The following STAT4 variants were observed in gnomAD, a reference collection of about 807,000 sequenced individuals.
STAT4 encodes the protein signal transducer and activator of transcription 4.
Under a neutral mutation model 110.5 loss-of-function variants are expected in STAT4, and 42 were observed. The ratio of observed to expected loss-of-function variants is 0.38; its 90% CI spans 0.30 to 0.49. The LOEUF is 0.49. STAT4 is among the 20% of genes least tolerant of loss of function. The pLI, the probability that STAT4 is intolerant of heterozygous loss-of-function variation, is 0.95. For missense variants in STAT4, 632 were observed against 887.9 expected, an observed-to-expected ratio of 0.71 and a Z score of 3.66; for synonymous variants, 284 against 302.2, an observed-to-expected ratio of 0.94 and a Z score of 0.63.
rs1698105663 is a variant in STAT4 at position 191,099,714 on chromosome 2, T to C, written c.274-23389A>G. Among the ~76,000 whole-genome samples the C allele has an allele frequency of 6.6e-6, 1 of 152,092 alleles. No homozygotes were observed. The highest frequency in any genetic ancestry group is 1.5e-5 in the Non-Finnish European group (1 of 67,990). On this transcript the variant is annotated intron_variant, in intron 3 of 23. Transcript: ENST00000392320. This position sits in a 1 kb window ranked among gnomAD's most constrained non-coding sequence, Gnocchi z 4.1. ...TTAATTAGGTAAACATAGATACACA[T>C]ATGGAAAGGTTCACACTTGACTGTT...
At chr2:191,131,219 T>G (rs1699028509) in intron 3 of STAT4, among the ~76,000 whole-genome samples, 1 of 151,816 alleles carries the variant, frequency 6.6e-6, no homozygotes, top group Non-Finnish European at 1.5e-5. Context: ...TAGGCATATA[T>G]TCTAGAGAAT....
chr2:191,093,596 A>G (rs1697869783), intron 3 of STAT4, among the ~76,000 whole-genome samples: 1 of 152,226 alleles, frequency 6.6e-6, no homozygotes, highest in Non-Finnish European at 1.5e-5. Context: ...CACCAGCATC[A>G]AAGATCAAAG....
chr2:191,137,632 AG>A (rs1272366260), intron 3 of STAT4, among the ~76,000 whole-genome samples: 1 of 152,238 alleles, frequency 6.6e-6, no homozygotes, highest in African/African-American at 2.4e-5. Context: ...ATAAGACTAT[AG>A]TAACCAAAAC....
chr2:191,054,371 A>G, intron 14 of STAT4, 119 bp downstream of exon 14: 3 of 845,720 alleles, frequency 3.5e-6, no homozygotes, highest in Non-Finnish European at 5.5e-6. Flanking sequence ...CTTTACATCT[A>G]TAATGAGAAA....
intron 3 of STAT4, chr2:191,132,046 C>G: frequency 9.4e-7 from 1 of 1,066,174 alleles, no homozygotes; most frequent in Non-Finnish European, 1.2e-6. Flanking sequence ...TGAAGAGAAA[C>G]GTTTCTTAAG....
intron 3 of STAT4, among the ~76,000 whole-genome samples, chr2:191,084,484 A>T (rs1379176051): frequency 1.3e-5 from 2 of 152,178 alleles, no homozygotes; most frequent in Non-Finnish European, 2.9e-5. Flanking sequence ...TGTAATTAAA[A>T]CTACTAAATA....
intron 14 of STAT4, among the ~76,000 whole-genome samples, chr2:191,044,591 G>C (rs1696294080): frequency 6.6e-6 from 1 of 152,154 alleles, no homozygotes; most frequent in African/African-American, 2.4e-5. Flanking sequence ...CCAGCCAGGA[G>C]AAGGGGGTGG....
rs560760741 is a variant in STAT4, at chr2:191,069,542, T to C, written c.544+151A>G. On this transcript the variant is annotated intron_variant, in intron 6 of 23. Transcript: ENST00000392320. Reference sequence around the variant, plus strand: ...ACACAGACATATTTATATGCAGAGATAAGGAAGAAGCAAAACAAGAAAATA... The same window carrying C: ...ACACAGACATATTTATATGCAGAGACAAGGAAGAAGCAAAACAAGAAAATA... 9 of 623,304 alleles carry C rather than the reference T, an allele frequency of 1.4e-5. No individual in the cohort carries two copies. In the East Asian group the frequency reaches 2.3e-4, roughly 16 times the overall value. The allele number at this position is 623,304 out of a possible 1,614,324, so 38.6% of individuals were successfully genotyped here.
chr2:191,058,353 A>T lies in STAT4; in HGVS notation c.1095-134T>A. ...CGCTCTGTCGTCCAGGCTGGAGTGC[A>T]GTGGTGCAATCTTGGCTCACTACAA... On this transcript the variant is annotated intron_variant, in intron 11 of 23. Transcript: ENST00000392320. The surrounding 1 kb of genome is among the most constrained non-coding windows in gnomAD (Gnocchi z 4.3). 1.1e-6 allele frequency: 1 copy of T among 917,742 alleles called. No individual in the cohort carries two copies. The highest frequency in any genetic ancestry group is 1.6e-6 in the Non-Finnish European group (1 of 619,210). 56.8% of individuals were successfully genotyped at this position (917,742 alleles called of 1,614,324 possible).
rs1402900406 is a variant in STAT4 at position 191,083,229 on chromosome 2, C to T, written c.274-6904G>A. On this transcript the variant is annotated intron_variant, in intron 3 of 23. Coordinates refer to ENST00000392320, the MANE Select transcript of STAT4 (RefSeq NM_003151.4). The surrounding 1 kb of genome is among the most constrained non-coding windows in gnomAD (Gnocchi z 4.6). ...CTGTTATGGGAGTGGGCAAGTGAGA[C>T]GAGGAAGAGAAGGGAGCCAGTAAGG... Among the ~76,000 whole-genome samples, 5 of 152,168 alleles carry T rather than the reference C, an allele frequency of 3.3e-5. No homozygotes were observed. The highest frequency in any genetic ancestry group is 3.4e-3 in the Middle Eastern group (1 of 294).
intron 14 of STAT4, among the ~76,000 whole-genome samples, chr2:191,052,532 T>C (rs1696558178): frequency 6.6e-6 from 1 of 152,206 alleles, no homozygotes; most frequent in Admixed American, 6.5e-5. Flanking sequence ...TTTTCTACAG[T>C]GGAAGATGAT....
In STAT4 at chr2:191,059,435, C is replaced by A. The variant is rs1289835419; in HGVS notation, c.1035-666G>T. 6.6e-6 allele frequency among the ~76,000 whole-genome samples: 1 copy of A among 152,100 alleles called. No homozygotes were observed. Among genetic ancestry groups the A allele is most frequent in the Admixed American group, 6.5e-5 (1 of 15,272 alleles). On this transcript the variant is annotated intron_variant, in intron 10 of 23. Coordinates refer to ENST00000392320, the MANE Select transcript of STAT4 (RefSeq NM_003151.4). The surrounding 1 kb of genome is among the most constrained non-coding windows in gnomAD (Gnocchi z 4.7). The stretch of plus-strand genomic sequence containing the variant: ...ATTTCTGTCCTGTGATGTAACCTAC[C>A]TGTGGGTTCAGTGCAGTTTCAGAGA...
At position 191,073,333 on chromosome 2, in the gene STAT4, A is replaced by G. The variant is rs941966238; in HGVS notation, c.373-143T>C. The stretch of plus-strand genomic sequence containing the variant: ...TCATTAAAAAATCATGCTGTAAAAA[A>G]GTATTTAATGACATAAAATTTAAAG... On this transcript the variant is annotated intron_variant, in intron 4 of 23. Transcript: ENST00000392320. The G allele has an allele frequency of 1.7e-5, 11 of 658,592 alleles. No homozygotes were observed. The African/African-American group carries it at 2.0e-4, about 12-fold the overall frequency. The allele number at this position is 658,592 out of a possible 1,614,324, so 40.8% of individuals were successfully genotyped here.
chr2:191,112,368 A>C lies in STAT4; in HGVS notation c.273+34245T>G, dbSNP rs909844723. Among the ~76,000 whole-genome samples the C allele has an allele frequency of 6.6e-6, 1 of 152,200 alleles. No individual in the cohort carries two copies. The highest frequency in any genetic ancestry group is 6.5e-5 in the Admixed American group (1 of 15,276). On this transcript the variant is annotated intron_variant, in intron 3 of 23. Transcript: ENST00000392320. The surrounding 1 kb of genome is among the most constrained non-coding windows in gnomAD (Gnocchi z 4.3). ...TTCCCTCATCTGTAAAATGGAAGAA[A>C]TAACATTACATACCTGCCAGGACTG...
At chr2:191,102,758 C>T (rs1559068144) in intron 3 of STAT4, among the ~76,000 whole-genome samples, 1 of 152,188 alleles carries the variant, frequency 6.6e-6, no homozygotes, top group Non-Finnish European at 1.5e-5. Flanking sequence ...TCGACAGTGA[C>T]AGGCTTTCTT....
At position 191,135,620 on chromosome 2, in the gene STAT4, C is replaced by T. The variant is rs371386773; in HGVS notation, c.273+10993G>A. ...TAGCTGGGACTACAGGTGATCACCA[C>T]CACGCCCAGCTAATTTTTTGTATTT... is the stretch of plus-strand genomic sequence containing the variant. On this transcript the variant is annotated intron_variant, in intron 3 of 23. Transcript: ENST00000392320. The surrounding 1 kb of genome is among the most constrained non-coding windows in gnomAD (Gnocchi z 4.8). Among the ~76,000 whole-genome samples the T allele has an allele frequency of 2.0e-5, 3 of 152,192 alleles. No homozygotes were observed. Among genetic ancestry groups the T allele is most frequent in the African/African-American group, 7.2e-5 (3 of 41,450 alleles).
At chr2:191,093,876 G>T (rs886799030) in intron 3 of STAT4, among the ~76,000 whole-genome samples, 2 of 152,100 alleles carry the variant, frequency 1.3e-5, no homozygotes, top group African/African-American at 4.8e-5. Context: ...CTTGAATGAA[G>T]TATAGAGAAG....
chr2:191,110,391 T>C lies in STAT4; in HGVS notation c.274-34066A>G, dbSNP rs1409328492. Among the ~76,000 whole-genome samples, 1 of 152,184 alleles carries C rather than the reference T, an allele frequency of 6.6e-6. No individual in the cohort carries two copies. The highest frequency in any genetic ancestry group is 1.5e-5 in the Non-Finnish European group (1 of 68,036). ...GGGAATAACATTTGTAAATGTCTTCTATATGCCTTGTGCTCGCACATATCA... is the reference window on the plus strand; with the variant it reads ...GGGAATAACATTTGTAAATGTCTTCCATATGCCTTGTGCTCGCACATATCA... On this transcript the variant is annotated intron_variant, in intron 3 of 23. Transcript: ENST00000392320. This position sits in a 1 kb window ranked among gnomAD's most constrained non-coding sequence, Gnocchi z 4.5.
chr2:191,030,370 A>G lies in STAT4; in HGVS notation c.2221-504T>C, dbSNP rs944478509. On this transcript the variant is annotated intron_variant, in intron 23 of 23. Transcript: ENST00000392320. This position sits in a 1 kb window ranked among gnomAD's most constrained non-coding sequence, Gnocchi z 4.4. Reference sequence around the variant, plus strand: ...TTGAACCCATTGACAGTATTGGTGGATAAGAGCAAATAGCATGCATCCCAA... The same window carrying G: ...TTGAACCCATTGACAGTATTGGTGGGTAAGAGCAAATAGCATGCATCCCAA... Among the ~76,000 whole-genome samples the G allele has an allele frequency of 2.6e-5, 4 of 152,230 alleles. No individual in the cohort carries two copies. Among genetic ancestry groups the G allele is most frequent in the African/African-American group, 2.4e-5 (1 of 41,458 alleles).
Sources: gnomAD v4.1 joint callset for allele counts (sites outside exome capture counted in the v4.1 genomes callset) on GRCh38, gnomAD v4.1.1 for gene constraint, Gnocchi (gnomAD v3.1) non-coding constraint, MANE v1.5 for transcripts, NCBI Gene and HGNC (gene_info 2026-07-23, HGNC 2026-07-21) for gene names.